Variants in ST3GAL2 observed in about 807,000 individuals in gnomAD.
ST3GAL2 encodes the protein CMP-N-acetylneuraminate-beta-galactosamide-alpha-2,3-sialyltransferase 2.
In ST3GAL2, 16 loss-of-function variants were observed where a neutral mutation model predicts 37.5. The ratio of observed to expected loss-of-function variants is 0.43; its 90% CI spans 0.29 to 0.65. The LOEUF (loss-of-function observed/expected upper bound fraction) is 0.65. Ranked by LOEUF, ST3GAL2 falls within the 30% of genes least tolerant of loss-of-function variation. The pLI, the probability that ST3GAL2 is intolerant of heterozygous loss-of-function variation, is 0.17. For missense variants in ST3GAL2, 383 were observed against 487.8 expected, an observed-to-expected ratio of 0.79 and a Z score of 2.02; for synonymous variants, 238 against 202.9, an observed-to-expected ratio of 1.17 and a Z score of -1.47.
chr16:70,426,989 A>G (rs983157071), intron 1 of ST3GAL2, among the ~76,000 whole-genome samples: 3 of 152,112 alleles, frequency 2.0e-5, no homozygotes, highest in Non-Finnish European at 2.9e-5. Flanking sequence ...CCGGGACCAC[A>G]GGTATGTACC....
chr16:70,384,089 A>G (rs554272106), intron 4 of ST3GAL2, among the ~76,000 whole-genome samples: 1 of 152,226 alleles, frequency 6.6e-6, no homozygotes, highest in East Asian at 1.9e-4. Context: ...ACTCTACTGC[A>G]TCCATTTTAG....
rs1382342890 is a variant in ST3GAL2 at position 70,379,362 on chromosome 16, G to A, written c.*2327C>T. The A allele has an allele frequency of 6.6e-6, 1 of 152,184 alleles. No homozygotes were observed. Among genetic ancestry groups the A allele is most frequent in the African/African-American group, 2.4e-5 (1 of 41,432 alleles). The allele number at this position is 152,184 out of a possible 1,614,324, so 9.4% of individuals were successfully genotyped here. A position where few individuals can be genotyped will look rare whatever the true frequency, so the allele number is the denominator to read the frequency against. On this transcript the variant is annotated 3_prime_UTR_variant, in exon 7 of 7. Transcript: ENST00000342907. ...TTGGAGCGCAGAGTCCAGGAATGAG[G>A]TGCCTCCTGTATAGGTGGGGGAGGG...
Position 70,379,796 on chromosome 16 carries a change from AT to A in ST3GAL2, c.*1892del, listed in dbSNP as rs11438171. On this transcript the variant is annotated 3_prime_UTR_variant, in exon 7 of 7. Coordinates refer to ENST00000342907, the MANE Select transcript of ST3GAL2 (RefSeq NM_006927.4). ...ACCACTGCGCCTGGCTAATTTTTGT[AT>A]TTTTTTTTTTTTTTGGTAGAGACGA... 2.1e-3 allele frequency: 293 copies of A among 137,956 alleles called. No homozygotes were observed. Among genetic ancestry groups the A allele is most frequent in the South Asian group, 5.5e-3 (24 of 4,336 alleles). The allele number at this position is 137,956 out of a possible 1,614,324, so 8.5% of individuals were successfully genotyped here. A position where few individuals can be genotyped will look rare whatever the true frequency, so the allele number is the denominator to read the frequency against.
At chr16:70,401,587 C>T (rs1187099713) in intron 1 of ST3GAL2, among the ~76,000 whole-genome samples, 1 of 152,192 alleles carries the variant, frequency 6.6e-6, no homozygotes, top group Non-Finnish European at 1.5e-5. Flanking sequence ...GGCAATGACC[C>T]TCTCACAGTT....
At chr16:70,384,705 CAA>C (rs34907504) in intron 4 of ST3GAL2, among the ~76,000 whole-genome samples, 27 of 69,090 alleles carry the variant, frequency 3.9e-4, no homozygotes, top group South Asian at 1.1e-3. Context: ...AACTCTGTCT[CAA>C]AAAAAAAAAA....
chr16:70,383,305 C>G, intron 4 of ST3GAL2, 70 bp from the exon 5 acceptor site: 1 of 1,458,712 alleles, frequency 6.9e-7, no homozygotes, highest in Non-Finnish European at 9.2e-7. Flanking sequence ...AATCCCAGCA[C>G]TTTGGGAGGC....
intron 1 of ST3GAL2, among the ~76,000 whole-genome samples, chr16:70,405,086 A>G (rs1012982031): frequency 5.3e-5 from 8 of 152,164 alleles, no homozygotes; most frequent in Non-Finnish European, 1.0e-4. Flanking sequence ...CATTATTCAT[A>G]AGAGTGCCAA....
chr16:70,384,460 A>T (rs2047428081), intron 4 of ST3GAL2, among the ~76,000 whole-genome samples: 1 of 152,112 alleles, frequency 6.6e-6, no homozygotes, highest in Non-Finnish European at 1.5e-5. Context: ...TAATCCCAGC[A>T]CTTTGGGAGG....
chr16:70,423,668 T>A (rs766267224), intron 1 of ST3GAL2, among the ~76,000 whole-genome samples: 27 of 149,810 alleles, frequency 1.8e-4, no homozygotes, highest in Non-Finnish European at 3.8e-4. Context: ...ATGGAATGAC[T>A]CAATGATTTT....
intron 1 of ST3GAL2, among the ~76,000 whole-genome samples, chr16:70,431,270 C>G (rs1567678697): frequency 6.6e-6 from 1 of 152,244 alleles, no homozygotes; most frequent in Non-Finnish European, 1.5e-5. Flanking sequence ...TCCCTGTAGA[C>G]CAATTAGCTA....
Position 70,412,998 on chromosome 16 carries a change from C to G in ST3GAL2, c.-1003-13465G>C, listed in dbSNP as rs375562212. On this transcript the variant is annotated intron_variant, in intron 1 of 6. Coordinates refer to ENST00000342907, the MANE Select transcript of ST3GAL2 (RefSeq NM_006927.4). ...GCACGGTGGCACACACCTGTAATCC[C>G]AGTACTTTGGGAGGCGGAGGCAGGT... Among the ~76,000 whole-genome samples, 92 of 152,226 alleles carry G rather than the reference C, an allele frequency of 6.0e-4. 1 individual carries two copies. In the East Asian group the frequency reaches 0.012, roughly 20 times the overall value.
intron 1 of ST3GAL2, among the ~76,000 whole-genome samples, chr16:70,402,939 C>T (rs1457644817): frequency 6.6e-6 from 1 of 152,230 alleles, no homozygotes; most frequent in Non-Finnish European, 1.5e-5. Flanking sequence ...GCATGAGCCA[C>T]TGCGCCTAGC....
chr16:70,438,977 C>T lies in ST3GAL2; in HGVS notation c.-1032G>A. On this transcript the variant is annotated 5_prime_UTR_variant, in exon 1 of 7. It removes an upstream start codon present in the reference 5' UTR. Transcript: ENST00000342907. ...AGTCAGCGCCCGGCGCCGCGCGGGC[C>T]ATGCTCGCCGCTCCGGCCGCCGCCG... 6.5e-6 allele frequency: 1 copy of T among 154,784 alleles called. No individual in the cohort carries two copies. Among genetic ancestry groups the T allele is most frequent in the Non-Finnish European group, 1.4e-5 (1 of 71,328 alleles). The allele number at this position is 154,784 out of a possible 1,614,324, so 9.6% of individuals were successfully genotyped here.
intron 2 of ST3GAL2, among the ~76,000 whole-genome samples, chr16:70,397,704 C>T (rs1317116350): frequency 1.3e-5 from 2 of 151,768 alleles, no homozygotes; most frequent in African/African-American, 2.4e-5. Context: ...CCAGCCTGGG[C>T]GACAGAATGA....
chr16:70,410,240 CT>C (rs751045679), intron 1 of ST3GAL2, among the ~76,000 whole-genome samples: 55 of 62,642 alleles, frequency 8.8e-4, no homozygotes, highest in Non-Finnish European at 1.3e-3. Flanking sequence ...CCACCCTCAC[CT>C]TTTTTTTTTT....
chr16:70,397,043 C>CTTTT (rs35885469), intron 2 of ST3GAL2, among the ~76,000 whole-genome samples: 27 of 130,266 alleles, frequency 2.1e-4, no homozygotes, highest in South Asian at 7.1e-4. Flanking sequence ...TCTTTTCTTT[C>CTTTT]TTTTTTTTTT....
At chr16:70,431,958 C>T (rs908617359) in intron 1 of ST3GAL2, among the ~76,000 whole-genome samples, 5 of 145,902 alleles carry the variant, frequency 3.4e-5, no homozygotes, top group South Asian at 2.1e-4. Flanking sequence ...AGCGAGACTC[C>T]GTCTTAAAAA....
At chr16:70,397,687 C>T (rs1294384994) in intron 2 of ST3GAL2, among the ~76,000 whole-genome samples, 1 of 152,106 alleles carries the variant, frequency 6.6e-6, no homozygotes. Context: ...CACTGTGCCA[C>T]TGCACTCCAG....
intron 1 of ST3GAL2, among the ~76,000 whole-genome samples, chr16:70,425,155 T>G (rs2047741402): frequency 6.6e-6 from 1 of 151,710 alleles, no homozygotes; most frequent in South Asian, 2.1e-4. Context: ...AAGTACAGCC[T>G]GGGCAACATA....
Sources: gnomAD v4.1 joint callset for allele counts (sites outside exome capture counted in the v4.1 genomes callset) on GRCh38, gnomAD v4.1.1 for gene constraint, MANE v1.5 for transcripts, NCBI Gene and HGNC (gene_info 2026-07-23, HGNC 2026-07-21) for gene names.